Variants in RNF152 observed in about 807,000 individuals in gnomAD.
RNF152 encodes E3 ubiquitin-protein ligase RNF152.
A neutral mutation model predicts 12.7 loss-of-function variants in RNF152; 11 were observed. That is an observed-to-expected ratio of 0.86 (90% confidence interval 0.54 to 1.43). RNF152 has a LOEUF of 1.43. Ranked by LOEUF, RNF152 falls within the 40% of genes most tolerant of loss-of-function variation. RNF152 has a pLI of 0.00. For missense variants in RNF152, 255 were observed against 274.8 expected, an observed-to-expected ratio of 0.93 and a Z score of 0.51; for synonymous variants, 113 against 120.3, an observed-to-expected ratio of 0.94 and a Z score of 0.40.
chr18:61,890,298 C>G (rs1814396170), intron 1 of RNF152: 1 of 152,162 alleles, frequency 6.6e-6, no homozygotes. Context: ...TTTTTCAGCA[C>G]AAGAAATATT....
At chr18:61,857,398 A>G (rs1599301869) in intron 1 of RNF152, among the ~76,000 whole-genome samples, 1 of 152,176 alleles carries the variant, frequency 6.6e-6, no homozygotes, top group South Asian at 2.1e-4. Context: ...AAGCTATCAA[A>G]TATTTTGCCT....
At chr18:61,884,467 C>A (rs1912602037) in intron 1 of RNF152, among the ~76,000 whole-genome samples, 2 of 150,328 alleles carry the variant, frequency 1.3e-5, no homozygotes, top group Non-Finnish European at 3.0e-5. Flanking sequence ...AAGCAGAAAA[C>A]CAAATTAATT....
Position 61,809,471 on chromosome 18 carries a change from T to C in RNF152, c.*6381A>G, listed in dbSNP as rs1211852555. ...TTCTGGATTTTCAAAAAGCAAATGTTGAATTAAAAATGGGCCATCCCTTTG... is the reference window on the plus strand; with the variant it reads ...TTCTGGATTTTCAAAAAGCAAATGTCGAATTAAAAATGGGCCATCCCTTTG... On this transcript the variant is annotated 3_prime_UTR_variant, in exon 2 of 2. Coordinates refer to ENST00000312828, the MANE Select transcript of RNF152 (RefSeq NM_173557.3). 1.3e-5 allele frequency: 2 copies of C among 152,170 alleles called. No homozygotes were observed. The highest frequency in any genetic ancestry group is 2.9e-5 in the Non-Finnish European group (2 of 68,032). 9.4% of individuals were successfully genotyped at this position (152,170 alleles called of 1,614,324 possible).
chr18:61,822,660 C>T (rs1909475079), intron 1 of RNF152, among the ~76,000 whole-genome samples: 1 of 152,186 alleles, frequency 6.6e-6, no homozygotes, highest in South Asian at 2.1e-4. Flanking sequence ...TAAGAATCTT[C>T]ATACATTCTG....
intron 1 of RNF152, among the ~76,000 whole-genome samples, chr18:61,857,156 T>C (rs886966039): frequency 6.6e-6 from 1 of 152,310 alleles, no homozygotes; most frequent in Non-Finnish European, 1.5e-5. Flanking sequence ...TGACTTGCAT[T>C]ATACGTCAGG....
chr18:61,846,381 C>T (rs750499963), intron 1 of RNF152, among the ~76,000 whole-genome samples: 2 of 152,180 alleles, frequency 1.3e-5, no homozygotes, highest in Non-Finnish European at 2.9e-5. Context: ...TCCCTCTACC[C>T]ACTGTGCCTA....
chr18:61,867,414 T>C (rs1911784196), intron 1 of RNF152, among the ~76,000 whole-genome samples: 1 of 151,216 alleles, frequency 6.6e-6, no homozygotes, highest in African/African-American at 2.4e-5. Flanking sequence ...ACTGCGCCAT[T>C]GCACTCCAGC....
intron 1 of RNF152, among the ~76,000 whole-genome samples, chr18:61,842,426 G>A (rs1416461819): frequency 1.3e-5 from 2 of 152,210 alleles, no homozygotes; most frequent in African/African-American, 4.8e-5. Context: ...TGCTGTCATT[G>A]CTGGAACAAG....
intron 1 of RNF152, among the ~76,000 whole-genome samples, chr18:61,872,542 T>C (rs76186745): frequency 0.076 from 11,627 of 152,226 alleles, 545 homozygotes; most frequent in African/African-American, 0.12. Flanking sequence ...ATTCATGAAA[T>C]CATGCCCCTC....
intron 1 of RNF152, among the ~76,000 whole-genome samples, chr18:61,841,422 G>A (rs1471769537): frequency 6.6e-6 from 1 of 152,168 alleles, no homozygotes; most frequent in Non-Finnish European, 1.5e-5. Context: ...CCTCTGTGCT[G>A]TGCTGCAAAT....
chr18:61,823,382 G>A (rs1350592022), intron 1 of RNF152, among the ~76,000 whole-genome samples: 2 of 152,178 alleles, frequency 1.3e-5, no homozygotes, highest in African/African-American at 2.4e-5. Flanking sequence ...CGCAACCTCC[G>A]CTTCTTGGGT....
chr18:61,879,236 TAAC>T (rs1912347245), intron 1 of RNF152, among the ~76,000 whole-genome samples: 1 of 152,228 alleles, frequency 6.6e-6, no homozygotes, highest in Admixed American at 6.5e-5. Context: ...CGATACAGTA[TAAC>T]AACAACTTAC....
chr18:61,822,928 G>T (rs2144629326), intron 1 of RNF152, among the ~76,000 whole-genome samples: 1 of 152,226 alleles, frequency 6.6e-6, no homozygotes, highest in South Asian at 2.1e-4. Flanking sequence ...ATTTGAAATG[G>T]GATTAAACAA....
chr18:61,824,948 C>A (rs981146229), intron 1 of RNF152, among the ~76,000 whole-genome samples: 1 of 152,190 alleles, frequency 6.6e-6, no homozygotes, highest in Non-Finnish European at 1.5e-5. Context: ...GACAGATAGA[C>A]AGACAGGCAG....
chr18:61,843,448 G>A (rs533516779), intron 1 of RNF152, among the ~76,000 whole-genome samples: 1 of 152,270 alleles, frequency 6.6e-6, no homozygotes, highest in East Asian at 1.9e-4. Context: ...TTCCACCTCT[G>A]AGTATTTACC....
chr18:61,882,113 T>C (rs184579269), intron 1 of RNF152, among the ~76,000 whole-genome samples: 12 of 152,294 alleles, frequency 7.9e-5, no homozygotes, highest in African/African-American at 2.9e-4. Flanking sequence ...GAAATTCTCA[T>C]TGGAGAATTT....
chr18:61,866,735 T>C (rs956092979), intron 1 of RNF152, among the ~76,000 whole-genome samples: 1 of 152,222 alleles, frequency 6.6e-6, no homozygotes, highest in African/African-American at 2.4e-5. Flanking sequence ...CCTCCCAACA[T>C]TGGTGGTGAC....
chr18:61,841,135 G>T (rs1458287803), intron 1 of RNF152, among the ~76,000 whole-genome samples: 1 of 152,158 alleles, frequency 6.6e-6, no homozygotes, highest in African/African-American at 2.4e-5. Flanking sequence ...TTCATCTTCT[G>T]CTTTTTAGAA....
chr18:61,827,875 G>T (rs1248098657), intron 1 of RNF152, among the ~76,000 whole-genome samples: 2 of 152,110 alleles, frequency 1.3e-5, no homozygotes, highest in Non-Finnish European at 2.9e-5. Context: ...GGCAAGGTAA[G>T]AAGGAAAGAA....
Sources: gnomAD v4.1 joint callset for allele counts (sites outside exome capture counted in the v4.1 genomes callset) on GRCh38, gnomAD v4.1.1 for gene constraint, MANE v1.5 for transcripts, NCBI Gene and HGNC (gene_info 2026-07-23, HGNC 2026-07-21) for gene names.